Variants in OPA1 observed in about 807,000 individuals in gnomAD.
The protein encoded by OPA1 is OPA1 mitochondrial dynamin like GTPase.
OPA1 carries 59 observed loss-of-function variants against 152.9 expected under a neutral mutation model. The observed-to-expected ratio is 0.39, with a 90% CI of 0.31 to 0.48. OPA1 has a LOEUF of 0.48. Ranked by LOEUF, OPA1 falls within the 20% of genes least tolerant of loss-of-function variation. The pLI is 0.96. For synonymous variants in OPA1, 400 were observed against 389.9 expected (o/e 1.03, Z -0.31); for missense variants, 1,008 against 1,216.8 (o/e 0.83, Z 2.55).
chr3:193,650,384 G>A (rs1712109115), intron 21 of OPA1, among the ~76,000 whole-genome samples: 1 of 152,168 alleles, frequency 6.6e-6, no homozygotes. Context: ...AATCAGAGTA[G>A]CAGGTCCAAG....
At chr3:193,685,608 C>A (rs922781901) in intron 29 of OPA1, among the ~76,000 whole-genome samples, 4 of 152,108 alleles carry the variant, frequency 2.6e-5, no homozygotes, top group African/African-American at 9.7e-5. Context: ...TTTACCCAAG[C>A]AGTCCTTGCT....
chr3:193,668,447 TC>T, intron 29 of OPA1: 3 of 1,550,388 alleles, frequency 1.9e-6, no homozygotes, highest in Non-Finnish European at 1.7e-6. Flanking sequence ...CGTCATGGAG[TC>T]CCTTTTACTG....
intron 1 of OPA1, among the ~76,000 whole-genome samples, chr3:193,595,409 AG>A (rs1725331611): frequency 1.3e-5 from 2 of 151,414 alleles, no homozygotes; most frequent in South Asian, 4.3e-4. Flanking sequence ...TCAATGAACA[AG>A]AGAGTAGATT....
chr3:193,679,125 T>C (rs1719698162), intron 29 of OPA1, among the ~76,000 whole-genome samples: 1 of 151,976 alleles, frequency 6.6e-6, no homozygotes, highest in South Asian at 2.1e-4. Flanking sequence ...CGCCAGGGCC[T>C]GTTGGGGCGT....
rs965930173 is a variant in OPA1 at position 193,636,897 on chromosome 3, A to G, written c.949-298A>G. Among the ~76,000 whole-genome samples, 32 of 152,144 alleles carry G rather than the reference A, an allele frequency of 2.1e-4. 1 individual carries two copies. The highest frequency in any genetic ancestry group is 8.8e-5 in the Non-Finnish European group (6 of 68,032). ...GTGTTAATGGTCTTTTCTTGCATTC[A>G]GTATTAGCTCATCAGTATTAAGTAA... On this transcript the variant is annotated intron_variant, in intron 9 of 30. Transcript: ENST00000361510.
intron 7 of OPA1, chr3:193,628,434 A>G (rs1365921739): frequency 6.6e-6 from 1 of 152,204 alleles, no homozygotes; most frequent in Non-Finnish European, 1.5e-5. Flanking sequence ...CAATGCCTTA[A>G]TAGGAAGAAA....
At chr3:193,666,732 A>G (rs900450955) in intron 28 of OPA1, among the ~76,000 whole-genome samples, 2 of 152,166 alleles carry the variant, frequency 1.3e-5, no homozygotes, top group African/African-American at 4.8e-5. Flanking sequence ...TGAGGCTACA[A>G]TGAGCTATGA....
At chr3:193,653,788 A>G (rs1369115327) in intron 21 of OPA1, among the ~76,000 whole-genome samples, 3 of 152,198 alleles carry the variant, frequency 2.0e-5, no homozygotes, top group Non-Finnish European at 4.4e-5. Flanking sequence ...TACTAGGCAG[A>G]TAAGTGTGCA....
At position 193,615,655 on chromosome 3, in the gene OPA1, A is replaced by G; in HGVS notation, c.352-19A>G. On this transcript the variant is annotated intron_variant, in intron 2 of 30. Transcript: ENST00000361510. ...TTGGCATGCAGAGCATCTGATTGAC[A>G]CACTTTCTTGTCTTTTAGACTTTTG... The G allele has an allele frequency of 7.2e-7, 1 of 1,386,080 alleles. No homozygotes were observed. The highest frequency in any genetic ancestry group is 1.0e-6 in the Non-Finnish European group (1 of 972,088). 85.9% of individuals were successfully genotyped at this position (1,386,080 alleles called of 1,614,324 possible).
intron 6 of OPA1, among the ~76,000 whole-genome samples, chr3:193,619,923 T>C (rs1166682220): frequency 1.3e-5 from 2 of 152,248 alleles, no homozygotes; most frequent in Non-Finnish European, 2.9e-5. Context: ...AAGATTTTTT[T>C]CTTTTGCCTT....
At chr3:193,602,755 C>T (rs1187186579) in intron 1 of OPA1, among the ~76,000 whole-genome samples, 1 of 152,208 alleles carries the variant, frequency 6.6e-6, no homozygotes, top group Non-Finnish European at 1.5e-5. Context: ...GCAACTGTGT[C>T]AGTAACACCT....
At chr3:193,687,757 A>G (rs200540103) in intron 29 of OPA1, among the ~76,000 whole-genome samples, 1 of 152,204 alleles carries the variant, frequency 6.6e-6, no homozygotes, top group Non-Finnish European at 1.5e-5. Context: ...GGAAACTTGT[A>G]TCAAAATTTA....
At chr3:193,675,259 G>A (rs1395417150) in intron 29 of OPA1, among the ~76,000 whole-genome samples, 2 of 146,954 alleles carry the variant, frequency 1.4e-5, no homozygotes, top group Non-Finnish European at 3.0e-5. Flanking sequence ...AATTTTAAAG[G>A]AAGAGAGGGT....
intron 1 of OPA1, among the ~76,000 whole-genome samples, chr3:193,601,482 C>T (rs1726457075): frequency 6.6e-6 from 1 of 152,162 alleles, no homozygotes; most frequent in African/African-American, 2.4e-5. Context: ...AAGGGGGCCA[C>T]CTAGTTGTAT....
At position 193,646,066 on chromosome 3, in the gene OPA1, CTTTA is replaced by C. The variant is rs71637116; in HGVS notation, c.1754+270_1754+273del. On this transcript the variant is annotated intron_variant, in intron 18 of 30. Coordinates refer to ENST00000361510, the MANE Select transcript of OPA1 (RefSeq NM_130837.3). Reference sequence around the variant, plus strand: ...AGACAACATAGATATCTGCCTCTTACTTTATTTTACTTATAAAGTGGTTTTAGAA... The same window carrying C: ...AGACAACATAGATATCTGCCTCTTACTTTTACTTATAAAGTGGTTTTAGAA... Among the ~76,000 whole-genome samples, 63,966 of 151,684 alleles carry C rather than the reference CTTTA, an allele frequency of 0.42. 13,718 individuals are homozygous for C. Among genetic ancestry groups the C allele is most frequent in the Non-Finnish European group, 0.43 (29,398 of 67,860 alleles).
intron 29 of OPA1, among the ~76,000 whole-genome samples, chr3:193,684,625 A>AT (rs1285265851): frequency 6.6e-6 from 1 of 151,638 alleles, no homozygotes; most frequent in African/African-American, 2.4e-5. Flanking sequence ...TAATTTTTGT[A>AT]TTTTTAGTAG....
chr3:193,643,614 A>G lies in OPA1; in HGVS notation c.1464A>G (p.Ile488Met), dbSNP rs1382660671. ...ACATGCAGAATCCTAATGCCATCAT[A>G]CTGTGTATTCAAGGTAAATCATATC... ...KAYMQNPNAI[I>M]LCIQDGSVDA... is the part of the protein sequence containing the mutation. Residue 488 changes from isoleucine (I) to methionine (M), a missense_variant, in exon 15 of 31, where the codon ATA becomes ATG. Coordinates refer to ENST00000361510, the MANE Select transcript of OPA1 (RefSeq NM_130837.3). 6.2e-7 allele frequency: 1 copy of G among 1,612,386 alleles called. No homozygotes were observed. Among genetic ancestry groups the G allele is most frequent in the South Asian group, 1.1e-5 (1 of 91,028 alleles).
intron 29 of OPA1, among the ~76,000 whole-genome samples, chr3:193,671,802 A>G (rs1026029083): frequency 1.3e-5 from 2 of 152,224 alleles, no homozygotes; most frequent in Non-Finnish European, 2.9e-5. Context: ...CTAATAATGG[A>G]TTAGGGTCAT....
chr3:193,618,550 A>G, intron 5 of OPA1: 1 of 290,974 alleles, frequency 3.4e-6, no homozygotes, highest in Admixed American at 4.9e-5. Context: ...TGCCAGTGGT[A>G]TGTGGCTGAA....
Sources: gnomAD v4.1 joint callset for allele counts (sites outside exome capture counted in the v4.1 genomes callset) on GRCh38, gnomAD v4.1.1 for gene constraint, MANE v1.5 for transcripts, NCBI Gene and HGNC (gene_info 2026-07-23, HGNC 2026-07-21) for gene names.